Variants in SEMA3C observed in about 807,000 individuals in gnomAD.
The protein encoded by SEMA3C is semaphorin 3C.
A neutral mutation model predicts 89.4 loss-of-function variants in SEMA3C; 47 were observed. The observed-to-expected ratio is 0.53, with a 90% CI of 0.42 to 0.67. The LOEUF (loss-of-function observed/expected upper bound fraction) is 0.67, where lower values mean the gene tolerates loss of function less well. Among genes scored for constraint, SEMA3C ranks in the 30% least tolerant of loss-of-function variants. SEMA3C has a pLI of 0.00. For missense variants in SEMA3C, 839 were observed against 929.1 expected, an observed-to-expected ratio of 0.90 and a Z score of 1.26; for synonymous variants, 310 against 320.2, an observed-to-expected ratio of 0.97 and a Z score of 0.34.
At chr7:80,897,139 C>T (rs553346783) in intron 2 of SEMA3C, among the ~76,000 whole-genome samples, 13 of 152,244 alleles carry the variant, frequency 8.5e-5, no homozygotes, top group African/African-American at 3.1e-4. Context: ...TCTAATTTCC[C>T]TTTTAGTAAT....
chr7:80,909,860 T>G (rs1203926263), intron 2 of SEMA3C, among the ~76,000 whole-genome samples: 3 of 152,186 alleles, frequency 2.0e-5, no homozygotes, highest in Non-Finnish European at 4.4e-5. Flanking sequence ...CAAAGAGAAT[T>G]GAGAGGCACT....
chr7:80,803,588 A>G (rs1789263990), intron 8 of SEMA3C, among the ~76,000 whole-genome samples: 1 of 152,140 alleles, frequency 6.6e-6, no homozygotes, highest in African/African-American at 2.4e-5. Context: ...ATGTATACTT[A>G]TTGTTTCTAC....
At chr7:80,860,095 A>G (rs1790735561) in intron 2 of SEMA3C, among the ~76,000 whole-genome samples, 1 of 152,120 alleles carries the variant, frequency 6.6e-6, no homozygotes, top group South Asian at 2.1e-4. Flanking sequence ...TTTTAGTAAT[A>G]TGTATGCTTA....
intron 12 of SEMA3C, among the ~76,000 whole-genome samples, chr7:80,767,234 A>G (rs1788325617): frequency 6.6e-6 from 1 of 152,166 alleles, no homozygotes; most frequent in Admixed American, 6.5e-5. Context: ...ACCCATACAA[A>G]TTTGCTGCCA....
In SEMA3C at chr7:80,868,540, A is replaced by T. The variant is rs1484941710; in HGVS notation, c.104-39795T>A. Among the ~76,000 whole-genome samples, 4 of 152,262 alleles carry T rather than the reference A, an allele frequency of 2.6e-5. No individual in the cohort carries two copies. In the East Asian group the frequency reaches 7.7e-4, roughly 29 times the overall value. On this transcript the variant is annotated intron_variant, in intron 2 of 17. Coordinates refer to ENST00000265361, the MANE Select transcript of SEMA3C (RefSeq NM_006379.5). The stretch of plus-strand genomic sequence containing the variant: ...TGCCTCAGCCTCCCAAAGCCTTGGG[A>T]TTACAGGTGTGAGCCACTGCACCCG...
At chr7:80,752,387 G>A (rs866528874) in intron 15 of SEMA3C, among the ~76,000 whole-genome samples, 1 of 151,988 alleles carries the variant, frequency 6.6e-6, no homozygotes, top group African/African-American at 2.4e-5. Context: ...TGAGGTGGGC[G>A]GATCATGAGG....
intron 2 of SEMA3C, among the ~76,000 whole-genome samples, chr7:80,894,574 T>C (rs1791690234): frequency 1.3e-5 from 2 of 152,312 alleles, no homozygotes; most frequent in South Asian, 2.1e-4. Context: ...CACTGGGGGT[T>C]TGAAGGCAGA....
intron 2 of SEMA3C, among the ~76,000 whole-genome samples, chr7:80,856,461 C>T (rs972526935): frequency 6.9e-6 from 1 of 144,402 alleles, no homozygotes; most frequent in African/African-American, 2.6e-5. Flanking sequence ...CACTGCCATG[C>T]AGCACAGCAT....
intron 7 of SEMA3C, among the ~76,000 whole-genome samples, chr7:80,805,233 A>G (rs2115685997): frequency 6.6e-6 from 1 of 152,264 alleles, no homozygotes; most frequent in South Asian, 2.1e-4. Flanking sequence ...TGTTCATTGC[A>G]TCTCAATGTC....
chr7:80,861,388 A>T (rs560057343), intron 2 of SEMA3C, among the ~76,000 whole-genome samples: 3 of 152,276 alleles, frequency 2.0e-5, no homozygotes, highest in Admixed American at 2.0e-4. Context: ...ATGATATTAC[A>T]TATTTGCTTG....
chr7:80,768,540 A>G (rs937636182), intron 12 of SEMA3C, among the ~76,000 whole-genome samples: 3 of 151,938 alleles, frequency 2.0e-5, no homozygotes, highest in African/African-American at 7.2e-5. Flanking sequence ...AATTACCCCG[A>G]TAACAACTTA....
At chr7:80,886,829 T>C (rs1791491172) in intron 2 of SEMA3C, among the ~76,000 whole-genome samples, 1 of 152,188 alleles carries the variant, frequency 6.6e-6, no homozygotes, top group Non-Finnish European at 1.5e-5. Flanking sequence ...CCTTAAATTA[T>C]GAATAATATG....
intron 2 of SEMA3C, among the ~76,000 whole-genome samples, chr7:80,859,304 T>C (rs1479896016): frequency 6.6e-6 from 1 of 152,194 alleles, no homozygotes; most frequent in Non-Finnish European, 1.5e-5. Flanking sequence ...CCTTTAGATG[T>C]AGAAATCATT....
At chr7:80,899,732 C>T (rs970027924) in intron 2 of SEMA3C, among the ~76,000 whole-genome samples, 6 of 152,152 alleles carry the variant, frequency 3.9e-5, no homozygotes, top group African/African-American at 7.2e-5. Flanking sequence ...CTTGCCAGAT[C>T]CTCTGACATT....
At chr7:80,763,037 T>G (rs969437487) in intron 13 of SEMA3C, among the ~76,000 whole-genome samples, 2 of 152,002 alleles carry the variant, frequency 1.3e-5, no homozygotes, top group Non-Finnish European at 2.9e-5. Context: ...TACACACACA[T>G]GCACACACAC....
At chr7:80,812,094 C>A (rs1789483515) in intron 5 of SEMA3C, among the ~76,000 whole-genome samples, 1 of 152,150 alleles carries the variant, frequency 6.6e-6, no homozygotes, top group South Asian at 2.1e-4. Flanking sequence ...CAACCAATTT[C>A]TAATTGATCA....
At chr7:80,750,132 C>T (rs1787890516) in intron 16 of SEMA3C, among the ~76,000 whole-genome samples, 1 of 151,934 alleles carries the variant, frequency 6.6e-6, no homozygotes, top group Non-Finnish European at 1.5e-5. Context: ...AGGAGTCTCA[C>T]TGTTAATTTT....
intron 2 of SEMA3C, among the ~76,000 whole-genome samples, chr7:80,909,066 T>C (rs896606954): frequency 3.3e-5 from 5 of 152,108 alleles, no homozygotes; most frequent in African/African-American, 1.2e-4. Flanking sequence ...ATTTTACTCA[T>C]AGACGATGTG....
chr7:80,772,710 G>GT lies in SEMA3C; in HGVS notation c.1355-7468dup, dbSNP rs920154585. On this transcript the variant is annotated intron_variant, in intron 12 of 17. Coordinates refer to ENST00000265361, the MANE Select transcript of SEMA3C (RefSeq NM_006379.5). ...CTAGGTTAAACATGTTTTTTTTTTT[G>GT]TTTGTTTTATTTTTTTCCTGCAGAG... is the stretch of plus-strand genomic sequence containing the variant. Among the ~76,000 whole-genome samples the GT allele has an allele frequency of 8.0e-4, 117 of 145,514 alleles. 1 individual carries two copies. The highest frequency in any genetic ancestry group is 2.8e-3 in the African/African-American group (103 of 37,314).
Sources: allele counts gnomAD v4.1 joint callset (sites outside exome capture counted in the v4.1 genomes callset), GRCh38; gene constraint gnomAD v4.1.1; transcripts MANE v1.5; gene names NCBI Gene and HGNC (gene_info 2026-07-23, HGNC 2026-07-21).